ASIC2: variants seen among roughly 807,000 people sequenced by gnomAD.
ASIC2 encodes the protein acid-sensing ion channel 2.
A neutral mutation model predicts 57.3 loss-of-function variants in ASIC2; 25 were observed. The ratio of observed to expected loss-of-function variants is 0.44; its 90% CI spans 0.32 to 0.61. ASIC2 has a LOEUF of 0.61. Ranked by LOEUF, ASIC2 falls within the 20% of genes least tolerant of loss-of-function variation. The pLI, the probability that ASIC2 is intolerant of heterozygous loss-of-function variation, is 0.06. For synonymous variants in ASIC2, 319 were observed against 307.5 expected (o/e 1.04, Z -0.39); for missense variants, 641 against 738.1 (o/e 0.87, Z 1.52).
chr17:33,168,999 C>T (rs1250410504), intron 1 of ASIC2, among the ~76,000 whole-genome samples: 2 of 152,194 alleles, frequency 1.3e-5, no homozygotes, highest in African/African-American at 2.4e-5. Context: ...GGATGCCTGT[C>T]CCATCACAGG....
intron 1 of ASIC2, among the ~76,000 whole-genome samples, chr17:33,227,532 G>A (rs531661832): frequency 6.6e-6 from 1 of 152,242 alleles, no homozygotes; most frequent in African/African-American, 2.4e-5. Context: ...GAACTGGGCT[G>A]TAACTGTGAA....
At chr17:33,889,416 A>G (rs568326299) in intron 1 of ASIC2, among the ~76,000 whole-genome samples, 1 of 152,324 alleles carries the variant, frequency 6.6e-6, no homozygotes, top group South Asian at 2.1e-4. Flanking sequence ...GATAAGGAGT[A>G]CCTGCAATCT....
chr17:33,996,700 G>A (rs1217551218), intron 1 of ASIC2, among the ~76,000 whole-genome samples: 2 of 152,120 alleles, frequency 1.3e-5, no homozygotes, highest in African/African-American at 4.8e-5. Context: ...TTTCTATTCT[G>A]TTACATTGGT....
chr17:33,223,068 G>A (rs995527207), intron 1 of ASIC2, among the ~76,000 whole-genome samples: 5 of 152,172 alleles, frequency 3.3e-5, no homozygotes, highest in African/African-American at 9.7e-5. Context: ...ACGCTTTGAT[G>A]TACTAAAAGG....
At chr17:33,192,777 G>A (rs1906479290) in intron 1 of ASIC2, among the ~76,000 whole-genome samples, 1 of 152,046 alleles carries the variant, frequency 6.6e-6, no homozygotes, top group Non-Finnish European at 1.5e-5. Flanking sequence ...CCAGATATTA[G>A]TTAATATTTT....
intron 1 of ASIC2, among the ~76,000 whole-genome samples, chr17:33,927,630 T>C (rs1441395675): frequency 6.6e-6 from 1 of 152,190 alleles, no homozygotes; most frequent in Non-Finnish European, 1.5e-5. Flanking sequence ...CAATCTATGG[T>C]ATTTGTTAGA....
At chr17:34,069,647 G>A (rs1477858069) in intron 1 of ASIC2, 2 of 152,398 alleles carry the variant, frequency 1.3e-5, no homozygotes, top group Admixed American at 6.5e-5. Flanking sequence ...GTGATAGAAG[G>A]TGAGAGGAGG....
In ASIC2 at chr17:33,765,240, G is replaced by A. The variant is rs1454038160; in HGVS notation, c.555+390738C>T. Among the ~76,000 whole-genome samples the A allele has an allele frequency of 2.0e-5, 3 of 152,158 alleles. No homozygotes were observed. In the East Asian group the frequency reaches 5.8e-4, roughly 29 times the overall value. ...CCTGCCTCAACCTCCCGAGTAGCTGGGACTACAGGCGCCCGCTACCACGCC... is the reference window on the plus strand; with the variant it reads ...CCTGCCTCAACCTCCCGAGTAGCTGAGACTACAGGCGCCCGCTACCACGCC... On this transcript the variant is annotated intron_variant, in intron 1 of 9. Coordinates refer to the ASIC2 transcript ENST00000359872.
intron 1 of ASIC2, among the ~76,000 whole-genome samples, chr17:33,284,103 C>G (rs560053887): frequency 6.6e-6 from 1 of 152,086 alleles, no homozygotes; most frequent in African/African-American, 2.4e-5. Flanking sequence ...TGTGTGGAAT[C>G]GGAGGAAACA....
At chr17:33,067,349 T>C (rs2092047710) in intron 3 of ASIC2, among the ~76,000 whole-genome samples, 1 of 152,022 alleles carries the variant, frequency 6.6e-6, no homozygotes, top group Admixed American at 6.6e-5. Flanking sequence ...GGAGGTGGCA[T>C]GGAAGGAAGT....
chr17:33,894,331 G>A (rs902931859), intron 1 of ASIC2, among the ~76,000 whole-genome samples: 11 of 138,068 alleles, frequency 8.0e-5, no homozygotes, highest in Non-Finnish European at 1.4e-4. Flanking sequence ...GAAGCTCTGC[G>A]TGCGTGCGTG....
chr17:33,274,521 A>G (rs1874601), intron 1 of ASIC2, among the ~76,000 whole-genome samples: 57,818 of 152,046 alleles, frequency 0.38, 11,108 homozygotes, highest in Admixed American at 0.43. Flanking sequence ...ATGGAAACAC[A>G]TGACCCTGGA....
Position 33,969,822 on chromosome 17 carries a change from C to T in ASIC2, c.555+186156G>A, listed in dbSNP as rs540596856. 9.2e-5 allele frequency among the ~76,000 whole-genome samples: 14 copies of T among 152,214 alleles called. No individual in the cohort carries two copies. In the East Asian group the frequency reaches 9.7e-4, roughly 11 times the overall value. ...CCAGGTGCTTGTTGTAGAATGTCAT[C>T]GGCAGCTACTGCCATGGTGAGTGCC... On this transcript the variant is annotated intron_variant, in intron 1 of 9. Coordinates refer to the ASIC2 transcript ENST00000359872.
chr17:33,339,950 T>G (rs1335375571), intron 1 of ASIC2, among the ~76,000 whole-genome samples: 1 of 152,180 alleles, frequency 6.6e-6, no homozygotes, highest in Admixed American at 6.6e-5. Flanking sequence ...CACACACCCC[T>G]GCATTTCATA....
chr17:33,901,953 AC>A (rs1035837859), intron 1 of ASIC2, among the ~76,000 whole-genome samples: 4 of 152,188 alleles, frequency 2.6e-5, no homozygotes, highest in African/African-American at 9.7e-5. Flanking sequence ...TCACTTGGCA[AC>A]CATTCAGATT....
At chr17:33,016,351 T>G (rs28928) in intron 8 of ASIC2, among the ~76,000 whole-genome samples, 4 of 152,226 alleles carry the variant, frequency 2.6e-5, no homozygotes, top group Admixed American at 2.0e-4. Context: ...GCTGGCTCCC[T>G]GTCTGTCCTC....
chr17:33,038,527 C>A (rs1452087138), intron 3 of ASIC2, among the ~76,000 whole-genome samples: 2 of 152,224 alleles, frequency 1.3e-5, no homozygotes, highest in Admixed American at 1.3e-4. Context: ...GCCCGGAGAT[C>A]GAGGAGAGAC....
At chr17:33,424,728 A>G (rs1911159803) in intron 1 of ASIC2, among the ~76,000 whole-genome samples, 1 of 151,986 alleles carries the variant, frequency 6.6e-6, no homozygotes, top group Non-Finnish European at 1.5e-5. Context: ...CTCTCTTTCA[A>G]CAAACACACT....
At chr17:33,580,193 C>G (rs1280889820) in intron 1 of ASIC2, 1 of 152,138 alleles carries the variant, frequency 6.6e-6, no homozygotes, top group Non-Finnish European at 1.5e-5. Context: ...ATGGAGAACT[C>G]AGACTCCATT....
Sources: allele counts gnomAD v4.1 joint callset (sites outside exome capture counted in the v4.1 genomes callset), GRCh38; gene constraint gnomAD v4.1.1; transcripts MANE v1.5; gene names NCBI Gene and HGNC (gene_info 2026-07-23, HGNC 2026-07-21).